PDE8B: variants seen among roughly 807,000 people sequenced by gnomAD.
PDE8B encodes phosphodiesterase 8B, also known as high affinity cAMP-specific and IBMX-insensitive 3',5'-cyclic phosphodiesterase 8B.
A neutral mutation model predicts 101.3 loss-of-function variants in PDE8B; 26 were observed. The ratio of observed to expected loss-of-function variants is 0.26; its 90% CI spans 0.19 to 0.36. The LOEUF is 0.36. Ranked by LOEUF, PDE8B falls within the 10% of genes least tolerant of loss-of-function variation. PDE8B has a pLI of 1.00. For synonymous variants in PDE8B, 424 were observed against 429.3 expected, an observed-to-expected ratio of 0.99 and a Z score of 0.15; for missense variants, 810 against 1,163.1, an observed-to-expected ratio of 0.70 and a Z score of 4.42.
At chr5:77,328,666 G>A (rs962332063) in intron 3 of PDE8B, among the ~76,000 whole-genome samples, 2 of 152,202 alleles carry the variant, frequency 1.3e-5, no homozygotes, top group Non-Finnish European at 2.9e-5. Context: ...AGGATTGTAG[G>A]ACTGCCAATT....
At chr5:77,127,675 G>T in the PDE8B span, among the ~76,000 whole-genome samples, 1 of 152,034 alleles carries the variant, frequency 6.6e-6, no homozygotes, top group Admixed American at 6.6e-5. Flanking sequence ...AGACCTTGAG[G>T]AAGACAGACA....
At chr5:77,180,451 A>G in the PDE8B span, 2 of 985,230 alleles carry the variant, frequency 2.0e-6, no homozygotes, top group Non-Finnish European at 2.4e-6. Context: ...CGCCGCCGGC[A>G]TGGACCAGCT....
At chr5:77,324,981 TA>T (rs1160654471) in intron 2 of PDE8B, among the ~76,000 whole-genome samples, 1 of 152,220 alleles carries the variant, frequency 6.6e-6, no homozygotes, top group Non-Finnish European at 1.5e-5. Flanking sequence ...TTCTCAGAAC[TA>T]ACTTATGTGG....
chr5:77,106,521 A>G, the PDE8B span, among the ~76,000 whole-genome samples: 1 of 152,192 alleles, frequency 6.6e-6, no homozygotes, highest in African/African-American at 2.4e-5. Context: ...TGTTTTTGCC[A>G]TTATCAGATC....
chr5:77,359,826 A>G (rs11741955), intron 10 of PDE8B, among the ~76,000 whole-genome samples: 101,623 of 151,986 alleles, frequency 0.67, 34,459 homozygotes, highest in African/African-American at 0.78. Flanking sequence ...TGCCGGGCGC[A>G]GTGGTTCACG....
chr5:77,289,778 A>G (rs1766858524), intron 1 of PDE8B, among the ~76,000 whole-genome samples: 1 of 152,234 alleles, frequency 6.6e-6, no homozygotes, highest in South Asian at 2.1e-4. Context: ...GAGGACTTAA[A>G]GCAATTTTTT....
chr5:77,202,655 C>A, the PDE8B span, among the ~76,000 whole-genome samples: 1 of 147,916 alleles, frequency 6.8e-6, no homozygotes, highest in South Asian at 2.2e-4. Context: ...TTTTTTGAGA[C>A]AGAGTCTCGC....
the PDE8B span, among the ~76,000 whole-genome samples, chr5:77,136,114 A>C: frequency 6.6e-6 from 1 of 151,986 alleles, no homozygotes; most frequent in Non-Finnish European, 1.5e-5. Flanking sequence ...TCTTACTCTT[A>C]ATTTCCAAGA....
chr5:77,209,733 A>C (rs1245665819), upstream of PDE8B, among the ~76,000 whole-genome samples: 1 of 152,200 alleles, frequency 6.6e-6, no homozygotes, highest in Non-Finnish European at 1.5e-5. Flanking sequence ...AGCAGTTGAC[A>C]TGGGCGGCTG....
intron 20 of PDE8B, 57 bp from the exon 21 acceptor site, chr5:77,425,710 T>C: frequency 2.6e-6 from 4 of 1,568,226 alleles, no homozygotes; most frequent in Admixed American, 1.7e-5. Context: ...AAACAGGATA[T>C]TACTGTGAAA....
intron 3 of PDE8B, among the ~76,000 whole-genome samples, chr5:77,327,831 C>T (rs969326759): frequency 6.6e-6 from 1 of 152,168 alleles, no homozygotes; most frequent in Non-Finnish European, 1.5e-5. Flanking sequence ...GGAAACTTCA[C>T]TTCCTGGGAA....
chr5:77,408,315 A>G (rs1188512727), intron 13 of PDE8B, among the ~76,000 whole-genome samples: 1 of 152,222 alleles, frequency 6.6e-6, no homozygotes, highest in Non-Finnish European at 1.5e-5. Context: ...ATGACATGAG[A>G]TAGAAGTGCT....
intron 1 of PDE8B, among the ~76,000 whole-genome samples, chr5:77,259,132 C>T (rs1344602774): frequency 5.6e-5 from 8 of 141,854 alleles, no homozygotes; most frequent in Non-Finnish European, 1.5e-5. Context: ...ACTGTGCTCT[C>T]CAGCTGACCT....
At chr5:77,268,252 A>G (rs1488659893) in intron 1 of PDE8B, among the ~76,000 whole-genome samples, 1 of 152,084 alleles carries the variant, frequency 6.6e-6, no homozygotes, top group Non-Finnish European at 1.5e-5. Flanking sequence ...TGGTAGGTAT[A>G]TATATATTTA....
At chr5:77,256,963 T>A (rs1759309079) in intron 1 of PDE8B, among the ~76,000 whole-genome samples, 1 of 152,230 alleles carries the variant, frequency 6.6e-6, no homozygotes, top group Non-Finnish European at 1.5e-5. Context: ...ATTAAATCCC[T>A]ACTAGGTTCC....
At chr5:77,378,009 T>TACACACACACACACACACAC (rs3031820) in intron 10 of PDE8B, among the ~76,000 whole-genome samples, 9 of 134,482 alleles carry the variant, frequency 6.7e-5, no homozygotes, top group South Asian at 2.4e-4. Context: ...CCTCTCTCTC[T>TACACACACACACACACACAC]ACACACACAC....
At chr5:77,400,101 T>TG (rs1791933967) in intron 10 of PDE8B, 147 bp from the exon 11 acceptor site, 3 of 657,760 alleles carry the variant, frequency 4.6e-6, no homozygotes, top group Non-Finnish European at 5.5e-6. Context: ...ACTTGGTGTA[T>TG]GTCTTTCATC....
chr5:77,121,074 A>G, the PDE8B span, among the ~76,000 whole-genome samples: 3 of 152,214 alleles, frequency 2.0e-5, no homozygotes, highest in Non-Finnish European at 4.4e-5. Context: ...TTACCCTCCA[A>G]ACTTAGTGTC....
intron 10 of PDE8B, among the ~76,000 whole-genome samples, chr5:77,398,107 T>C (rs1791456169): frequency 1.3e-5 from 2 of 151,810 alleles, no homozygotes; most frequent in Non-Finnish European, 2.9e-5. Flanking sequence ...TTTTTTTAGA[T>C]CCCTCGTGTG....
Sources: gnomAD v4.1 joint callset for allele counts (sites outside exome capture counted in the v4.1 genomes callset) on GRCh38, gnomAD v4.1.1 for gene constraint, MANE v1.5 for transcripts, NCBI Gene and HGNC (gene_info 2026-07-23, HGNC 2026-07-21) for gene names.